PLXDC2: variants seen among roughly 807,000 people sequenced by gnomAD.
The protein encoded by PLXDC2 is plexin domain-containing protein 2.
A neutral mutation model predicts 68.9 loss-of-function variants in PLXDC2; 40 were observed. That is an observed-to-expected ratio of 0.58 (90% CI 0.45 to 0.76). The LOEUF is 0.76. Among genes scored for constraint, PLXDC2 ranks in the 30% least tolerant of loss-of-function variants. The probability of loss-of-function intolerance (pLI) is 0.00; values close to 1 mark genes in which losing one functional copy is unlikely to be tolerated. For synonymous variants in PLXDC2, 243 were observed against 234.2 expected, an observed-to-expected ratio of 1.04 and a Z score of -0.34; for missense variants, 644 against 661.9, an observed-to-expected ratio of 0.97 and a Z score of 0.30.
intron 6 of PLXDC2, among the ~76,000 whole-genome samples, chr10:20,162,921 A>AG (rs1834324963): frequency 6.6e-6 from 1 of 151,146 alleles, no homozygotes; most frequent in East Asian, 1.9e-4. Context: ...AAAAAAAAAA[A>AG]AAAAAAAAAT....
chr10:20,251,797 A>G (rs1458122133), intron 13 of PLXDC2, among the ~76,000 whole-genome samples: 3 of 152,136 alleles, frequency 2.0e-5, no homozygotes, highest in African/African-American at 7.2e-5. Flanking sequence ...TTTTCTTAGT[A>G]TACATAAATA....
At chr10:19,844,316 G>T (rs1836962169) in intron 1 of PLXDC2, among the ~76,000 whole-genome samples, 1 of 152,248 alleles carries the variant, frequency 6.6e-6, no homozygotes, top group South Asian at 2.1e-4. Flanking sequence ...TATCCCAGCG[G>T]GTACAGAGTT....
chr10:20,168,261 G>A (rs1179895472), intron 7 of PLXDC2, among the ~76,000 whole-genome samples: 1 of 152,108 alleles, frequency 6.6e-6, no homozygotes, highest in Non-Finnish European at 1.5e-5. Context: ...ATTGATTTCT[G>A]TAACTTTCTT....
intron 1 of PLXDC2, among the ~76,000 whole-genome samples, chr10:19,973,663 A>G (rs1239505720): frequency 6.6e-6 from 1 of 152,168 alleles, no homozygotes; most frequent in African/African-American, 2.4e-5. Flanking sequence ...AAAAGTTATA[A>G]TACTGGAATT....
At chr10:20,050,022 A>G (rs1393960861) in intron 3 of PLXDC2, among the ~76,000 whole-genome samples, 1 of 152,188 alleles carries the variant, frequency 6.6e-6, no homozygotes, top group Non-Finnish European at 1.5e-5. Context: ...CACACAGACC[A>G]ATGGAACAGA....
At chr10:20,255,797 T>C (rs1835734759) in intron 13 of PLXDC2, among the ~76,000 whole-genome samples, 1 of 152,062 alleles carries the variant, frequency 6.6e-6, no homozygotes, top group East Asian at 1.9e-4. Context: ...TAATCGTGCT[T>C]TTTGTTATTT....
At chr10:19,900,899 T>G (rs919225218) in intron 1 of PLXDC2, among the ~76,000 whole-genome samples, 3 of 151,948 alleles carry the variant, frequency 2.0e-5, no homozygotes, top group African/African-American at 7.3e-5. Flanking sequence ...AATAATAGTC[T>G]CCAATCCCAT....
chr10:20,061,787 C>T lies in PLXDC2; in HGVS notation c.472-6383C>T, dbSNP rs1034927895. On this transcript the variant is annotated intron_variant, in intron 3 of 13. Transcript: ENST00000377252. ...TTTAATATAACAAAAATGAAGACAT[C>T]GTAACATTGCCTAGAAACATGTCTA... Among the ~76,000 whole-genome samples, 5 of 152,240 alleles carry T rather than the reference C, an allele frequency of 3.3e-5. No homozygotes were observed. The South Asian group carries it at 6.2e-4, about 19-fold the overall frequency.
chr10:19,879,356 T>C (rs571910969), intron 1 of PLXDC2, among the ~76,000 whole-genome samples: 8 of 152,252 alleles, frequency 5.3e-5, no homozygotes, highest in African/African-American at 1.9e-4. Flanking sequence ...GTTTGCTGAT[T>C]TCTTGGTAAA....
At chr10:20,142,787 C>A (rs1054634825) in intron 4 of PLXDC2, among the ~76,000 whole-genome samples, 4 of 151,756 alleles carry the variant, frequency 2.6e-5, no homozygotes, top group Admixed American at 6.6e-5. Context: ...TGTTTAGCCC[C>A]CTTTCAACTT....
At chr10:20,044,612 C>T (rs982297759) in intron 2 of PLXDC2, among the ~76,000 whole-genome samples, 1 of 151,724 alleles carries the variant, frequency 6.6e-6, no homozygotes, top group East Asian at 1.9e-4. Context: ...GTCCAGCCTG[C>T]AATTCTTTCT....
intron 9 of PLXDC2, among the ~76,000 whole-genome samples, chr10:20,182,824 G>T (rs894496880): frequency 6.6e-5 from 10 of 151,676 alleles, no homozygotes; most frequent in African/African-American, 2.4e-4. Flanking sequence ...TTACATATTT[G>T]TCCTACTGCT....
chr10:19,878,816 G>C (rs1361694219), intron 1 of PLXDC2, among the ~76,000 whole-genome samples: 2 of 152,074 alleles, frequency 1.3e-5, no homozygotes, highest in Admixed American at 6.6e-5. Flanking sequence ...TATTAGAGAA[G>C]ATATATAAAA....
intron 1 of PLXDC2, among the ~76,000 whole-genome samples, chr10:19,819,029 T>TACAC (rs1491240181): frequency 2.4e-5 from 2 of 83,362 alleles, no homozygotes; most frequent in East Asian, 2.8e-4. Context: ...AGAATATATG[T>TACAC]ATACACACAC....
chr10:19,880,524 A>G lies in PLXDC2; in HGVS notation c.112+63333A>G, dbSNP rs139307442. Among the ~76,000 whole-genome samples, 508 of 152,296 alleles carry G rather than the reference A, an allele frequency of 3.3e-3. 3 individuals are homozygous for G. Among genetic ancestry groups the G allele is most frequent in the Middle Eastern group, 6.8e-3 (2 of 294 alleles). On this transcript the variant is annotated intron_variant, in intron 1 of 13. Transcript: ENST00000377252. ...TCTCTCAAGATATTTTATTGTACTG[A>G]CCTCATCTATTTTCAGACAGGAGTT...
At position 20,151,379 on chromosome 10, in the gene PLXDC2, C is replaced by A. The variant is rs192080850; in HGVS notation, c.783+3477C>A. Among the ~76,000 whole-genome samples the A allele has an allele frequency of 2.2e-3, 331 of 152,212 alleles. 1 individual carries two copies. The highest frequency in any genetic ancestry group is 3.5e-3 in the Non-Finnish European group (237 of 67,994). On this transcript the variant is annotated intron_variant, in intron 6 of 13. Coordinates refer to ENST00000377252, the MANE Select transcript of PLXDC2 (RefSeq NM_032812.9). ...TAATATCCTAAGTATTTTACAATAG[C>A]GGTGGTACATAGAAGCTGTTCAATA...
intron 6 of PLXDC2, among the ~76,000 whole-genome samples, chr10:20,153,034 G>C (rs947786185): frequency 1.3e-5 from 2 of 152,108 alleles, no homozygotes; most frequent in African/African-American, 4.8e-5. Context: ...GTCCTTCAGG[G>C]ATCTCCACTA....
intron 9 of PLXDC2, among the ~76,000 whole-genome samples, chr10:20,188,668 T>C (rs1834718312): frequency 6.6e-6 from 1 of 151,668 alleles, no homozygotes; most frequent in African/African-American, 2.4e-5. Context: ...TGAGAAATAT[T>C]ATAGAAAAAA....
intron 3 of PLXDC2, among the ~76,000 whole-genome samples, chr10:20,058,970 G>T (rs1836051134): frequency 6.6e-6 from 1 of 152,094 alleles, no homozygotes; most frequent in South Asian, 2.1e-4. Context: ...AGTTTCAAAG[G>T]CCACTTATAT....
Sources: gnomAD v4.1 joint callset for allele counts (sites outside exome capture counted in the v4.1 genomes callset) on GRCh38, gnomAD v4.1.1 for gene constraint, MANE v1.5 for transcripts, NCBI Gene and HGNC (gene_info 2026-07-23, HGNC 2026-07-21) for gene names.